Variants in LDLRAD4 observed in about 807,000 individuals in gnomAD.
The protein encoded by LDLRAD4 is low density lipoprotein receptor class A domain containing 4.
In LDLRAD4, 5 loss-of-function variants were observed where a neutral mutation model predicts 17.0. The ratio of observed to expected loss-of-function variants is 0.29; its 90% CI spans 0.15 to 0.62. The LOEUF is 0.62. Ranked by LOEUF, LDLRAD4 falls within the 20% of genes least tolerant of loss-of-function variation. The pLI is 0.84. For missense variants in LDLRAD4, 340 were observed against 424.7 expected (o/e 0.80, Z 1.75); for synonymous variants, 168 against 171.8 (o/e 0.98, Z 0.17).
intron 3 of LDLRAD4, among the ~76,000 whole-genome samples, chr18:13,591,432 CTG>C (rs58480746): frequency 0.48 from 71,647 of 150,522 alleles, 17,101 homozygotes; most frequent in East Asian, 0.64. Context: ...GTGTGTGTGT[CTG>C]TGTGTGTGTG....
chr18:13,237,957 G>A (rs1310591510), intron 1 of LDLRAD4, among the ~76,000 whole-genome samples: 3 of 152,100 alleles, frequency 2.0e-5, no homozygotes, highest in African/African-American at 7.2e-5. Context: ...CCTCCTGGAT[G>A]CCCACCCTGG....
At chr18:13,308,562 G>A (rs769764474) in intron 1 of LDLRAD4, among the ~76,000 whole-genome samples, 4 of 152,176 alleles carry the variant, frequency 2.6e-5, no homozygotes, top group Non-Finnish European at 4.4e-5. Flanking sequence ...GTGCCTGTTC[G>A]ACCACATCCT....
intron 1 of LDLRAD4, among the ~76,000 whole-genome samples, chr18:13,253,986 C>T (rs1308948729): frequency 4.6e-5 from 7 of 152,228 alleles, no homozygotes; most frequent in East Asian, 3.9e-4. Flanking sequence ...GGGCTTGCTG[C>T]GATACGGGGC....
At chr18:13,428,878 G>A (rs1417270411) in intron 2 of LDLRAD4, among the ~76,000 whole-genome samples, 4 of 152,164 alleles carry the variant, frequency 2.6e-5, no homozygotes, top group Non-Finnish European at 5.9e-5. Context: ...AAGCTGAGAT[G>A]TCTATTATAC....
At chr18:13,605,700 A>G (rs570413907) in intron 3 of LDLRAD4, among the ~76,000 whole-genome samples, 1 of 152,300 alleles carries the variant, frequency 6.6e-6, no homozygotes, top group Admixed American at 6.5e-5. Flanking sequence ...CTCTACCTAC[A>G]TGTGCACACA....
At chr18:13,275,619 A>T (rs1406756023), upstream of LDLRAD4, among the ~76,000 whole-genome samples, 2 of 152,218 alleles carry the variant, frequency 1.3e-5, no homozygotes, top group African/African-American at 4.8e-5. Context: ...TGAAGAGTGT[A>T]ATTGATTGTT....
At chr18:13,443,475 C>T (rs970007859) in intron 3 of LDLRAD4, among the ~76,000 whole-genome samples, 3 of 152,134 alleles carry the variant, frequency 2.0e-5, no homozygotes, top group Non-Finnish European at 4.4e-5. Context: ...TAAACCTTAA[C>T]CATAATTCTC....
chr18:13,623,209 TG>T (rs1360510445), intron 4 of LDLRAD4, among the ~76,000 whole-genome samples: 1 of 152,236 alleles, frequency 6.6e-6, no homozygotes, highest in Non-Finnish European at 1.5e-5. Flanking sequence ...CGGGAAGCGC[TG>T]GCTGCCCCAC....
At chr18:13,477,012 A>G (rs1342162784) in intron 3 of LDLRAD4, among the ~76,000 whole-genome samples, 1 of 152,224 alleles carries the variant, frequency 6.6e-6, no homozygotes. Flanking sequence ...AGATCCGTTT[A>G]TACAAACATG....
chr18:13,347,728 T>C (rs2144278888), intron 1 of LDLRAD4, among the ~76,000 whole-genome samples: 1 of 152,342 alleles, frequency 6.6e-6, no homozygotes, highest in Admixed American at 6.5e-5. Flanking sequence ...GTAGATTTGG[T>C]CTTTTCACAT....
At chr18:13,572,945 T>A (rs1214606598) in intron 3 of LDLRAD4, among the ~76,000 whole-genome samples, 1 of 152,204 alleles carries the variant, frequency 6.6e-6, no homozygotes, top group East Asian at 1.9e-4. Flanking sequence ...GAGGCCAGGA[T>A]GTGCTTGATG....
intron 1 of LDLRAD4, among the ~76,000 whole-genome samples, chr18:13,347,461 C>T (rs533807786): frequency 6.6e-6 from 1 of 152,178 alleles, no homozygotes; most frequent in Non-Finnish European, 1.5e-5. Flanking sequence ...TGATGGGCTT[C>T]CCTTTGTGGG....
rs1180818001 is a variant in LDLRAD4 at position 13,342,137 on chromosome 18, A to G, written c.-382-45204A>G. Among the ~76,000 whole-genome samples the G allele has an allele frequency of 3.9e-5, 6 of 152,154 alleles. No individual in the cohort carries two copies. In the East Asian group the frequency reaches 1.2e-3, roughly 29 times the overall value. ...AATATGCTTCTGAGTTTGGTTTGCT[A>G]GTATTTAGTTGGGGATTTTTATATT... On this transcript the variant is annotated intron_variant, in intron 1 of 5. Transcript: ENST00000359446.
upstream of LDLRAD4, among the ~76,000 whole-genome samples, chr18:13,273,407 C>A (rs1441886596): frequency 6.6e-6 from 1 of 152,140 alleles, no homozygotes; most frequent in African/African-American, 2.4e-5. Flanking sequence ...CTCAAGAGAT[C>A]CTCCCGCCTC....
At chr18:13,625,661 G>A (rs369282441) in intron 4 of LDLRAD4, among the ~76,000 whole-genome samples, 1 of 151,858 alleles carries the variant, frequency 6.6e-6, no homozygotes, top group East Asian at 1.9e-4. Flanking sequence ...TCCTGTGCAG[G>A]TGCAGGTGAG....
intron 3 of LDLRAD4, among the ~76,000 whole-genome samples, chr18:13,609,979 C>T (rs1691191018): frequency 6.6e-6 from 1 of 151,624 alleles, no homozygotes; most frequent in Admixed American, 6.6e-5. Context: ...AAGACTGCAT[C>T]CAAAAAAAGA....
intron 1 of LDLRAD4, among the ~76,000 whole-genome samples, chr18:13,323,420 A>G (rs1030916023): frequency 6.6e-6 from 1 of 152,250 alleles, no homozygotes; most frequent in African/African-American, 2.4e-5. Flanking sequence ...GGATGTGGGA[A>G]AAGGAATGAG....
chr18:13,300,276 C>G lies in LDLRAD4; in HGVS notation c.-383+22088C>G, dbSNP rs554158024. 6.6e-6 allele frequency among the ~76,000 whole-genome samples: 1 copy of G among 152,304 alleles called. No individual in the cohort carries two copies. The highest frequency in any genetic ancestry group is 1.9e-4 in the East Asian group (1 of 5,170). On this transcript the variant is annotated intron_variant, in intron 1 of 5. Transcript: ENST00000359446. The surrounding 1 kb of genome is among the most constrained non-coding windows in gnomAD (Gnocchi z 4.2). ...GCAGAGGGGGCCGGCAGCCTCTTCC[C>G]ACTCTCCTGCCCACCCCGCGCCTGT...
chr18:13,535,705 T>C (rs1601181921), intron 3 of LDLRAD4, among the ~76,000 whole-genome samples: 1 of 152,210 alleles, frequency 6.6e-6, no homozygotes, highest in East Asian at 1.9e-4. Flanking sequence ...GTGGATTTCA[T>C]GTCCTGTTTA....
Sources: gnomAD v4.1 joint callset for allele counts (sites outside exome capture counted in the v4.1 genomes callset) on GRCh38, gnomAD v4.1.1 for gene constraint, Gnocchi (gnomAD v3.1) non-coding constraint, MANE v1.5 for transcripts, NCBI Gene and HGNC (gene_info 2026-07-23, HGNC 2026-07-21) for gene names.